The following PCDHGB6 variants were observed in gnomAD, a reference collection of about 807,000 sequenced individuals.
The protein encoded by PCDHGB6 is protocadherin gamma subfamily B, 6.
Under a neutral mutation model 59.1 loss-of-function variants are expected in PCDHGB6, and 51 were observed. That is an observed-to-expected ratio of 0.86 (90% CI 0.69 to 1.09). PCDHGB6 has a LOEUF of 1.09. Among genes scored for constraint, PCDHGB6 ranks in the 50% least tolerant of loss-of-function variants. The pLI, the probability that PCDHGB6 is intolerant of heterozygous loss-of-function variation, is 0.00. For synonymous variants in PCDHGB6, 466 were observed against 495.1 expected (o/e 0.94, Z 0.78); for missense variants, 1,148 against 1,205.1 (o/e 0.95, Z 0.70).
chr5:141,415,849 C>A (rs1453652151), intron 1 of PCDHGB6: 2 of 1,230,672 alleles, frequency 1.6e-6, no homozygotes, highest in Non-Finnish European at 2.1e-6. Flanking sequence ...CTTTGCAGAA[C>A]CTTGTAGTTT....
intron 1 of PCDHGB6, chr5:141,424,187 A>C (rs2096804354): frequency 5.3e-6 from 1 of 188,948 alleles, no homozygotes; most frequent in African/African-American, 2.4e-5. Context: ...ACATGCACAC[A>C]CACTTATACA....
At chr5:141,419,934 T>C (rs1427601115) in intron 1 of PCDHGB6, 3 of 1,613,952 alleles carry the variant, frequency 1.9e-6, no homozygotes, top group Non-Finnish European at 2.5e-6. Flanking sequence ...CAGTTTTACC[T>C]GGTGGTGGCC....
chr5:141,491,316 T>C lies in PCDHGB6; in HGVS notation c.2419-3491T>C. The C allele has an allele frequency of 3.1e-6, 5 of 1,614,176 alleles. No homozygotes were observed. The highest frequency in any genetic ancestry group is 3.4e-6 in the Non-Finnish European group (4 of 1,180,004). ...CTCCTGAGCGTTCAGACCTTACCCT[T>C]TACCTCATTGTGGCTCTAGCGACCG... is the stretch of plus-strand genomic sequence containing the variant. On this transcript the variant is annotated intron_variant, in intron 1 of 3. Coordinates refer to ENST00000520790, the MANE Select transcript of PCDHGB6 (RefSeq NM_018926.3). The surrounding 1 kb of genome is among the most constrained non-coding windows in gnomAD (Gnocchi z 6.9).
intron 1 of PCDHGB6, among the ~76,000 whole-genome samples, chr5:141,458,065 G>A (rs55848374): frequency 0.098 from 14,910 of 152,232 alleles, 965 homozygotes; most frequent in Non-Finnish European, 0.14. Flanking sequence ...GCACTGATGC[G>A]AACAACTATA....
Position 141,478,335 on chromosome 5 carries a change from C to T in PCDHGB6, c.2419-16472C>T, listed in dbSNP as rs202213361. On this transcript the variant is annotated intron_variant, in intron 1 of 3. Coordinates refer to ENST00000520790, the MANE Select transcript of PCDHGB6 (RefSeq NM_018926.3). ...AGCTCACTGTACCGAACACCAGGGC[C>T]CTCCTTGCACGCGGACGCCGTGCGG... 4.7e-5 allele frequency: 76 copies of T among 1,613,822 alleles called. No individual in the cohort carries two copies. The highest frequency in any genetic ancestry group is 6.1e-5 in the Non-Finnish European group (72 of 1,180,028).
At chr5:141,420,483 T>C in intron 1 of PCDHGB6, 2 of 581,364 alleles carry the variant, frequency 3.4e-6, no homozygotes, top group Non-Finnish European at 5.2e-6. Context: ...GCAAACTACA[T>C]GGGTAATCTC....
chr5:141,409,914 G>T lies in PCDHGB6; in HGVS notation c.1712G>T (p.Gly571Val), dbSNP rs772848211. 58 of 1,613,230 alleles carry T rather than the reference G, an allele frequency of 3.6e-5. No homozygotes were observed. In the East Asian group the frequency reaches 1.2e-3, roughly 35 times the overall value. The change falls in exon 1 of 4, where the codon GGC (glycine) becomes GTC (valine). Residue 571 changes from glycine to valine, a missense_variant. Transcript: ENST00000520790. ...RVLYPALGPD[G>V]SAFFDMVPRS... is the part of the protein sequence containing the mutation. ...CTGTACCCAGCTCTGGGTCCTGACGGCTCCGCGTTCTTCGATATGGTACCT... is the reference window on the plus strand; with the variant it reads ...CTGTACCCAGCTCTGGGTCCTGACGTCTCCGCGTTCTTCGATATGGTACCT...
intron 2 of PCDHGB6, among the ~76,000 whole-genome samples, chr5:141,497,501 C>T (rs1268186916): frequency 6.6e-6 from 1 of 151,182 alleles, no homozygotes; most frequent in Non-Finnish European, 1.5e-5. Flanking sequence ...TCTCTCCTCT[C>T]TCTGCTTCCT....
At chr5:141,478,425 A>G (rs1454100826) in intron 1 of PCDHGB6, 1 of 1,613,542 alleles carries the variant, frequency 6.2e-7, no homozygotes, top group African/African-American at 1.3e-5. Context: ...CGCCGCAGCG[A>G]CCCGCTGCTG....
chr5:141,415,149 C>T, intron 1 of PCDHGB6: 1 of 1,613,796 alleles, frequency 6.2e-7, no homozygotes, highest in Middle Eastern at 1.6e-4. Context: ...AGCCCCCTCT[C>T]TCCGCCACTG....
rs765263883 is a variant in PCDHGB6 at position 141,491,018 on chromosome 5, C to T, written c.2419-3789C>T. On this transcript the variant is annotated intron_variant, in intron 1 of 3. Coordinates refer to ENST00000520790, the MANE Select transcript of PCDHGB6 (RefSeq NM_018926.3). This position sits in a 1 kb window ranked among gnomAD's most constrained non-coding sequence, Gnocchi z 6.9. The stretch of plus-strand genomic sequence containing the variant: ...CCTGGCTCCTTGGTCACCAAGGTGA[C>T]AGCCGTGGATGCTGATGCAGGCCAC... 1.2e-6 allele frequency: 2 copies of T among 1,614,146 alleles called. No individual in the cohort carries two copies. The highest frequency in any genetic ancestry group is 1.7e-6 in the Non-Finnish European group (2 of 1,180,042).
At chr5:141,411,783 G>C (rs1191623081) in intron 1 of PCDHGB6, 1 of 152,338 alleles carries the variant, frequency 6.6e-6, no homozygotes, top group Non-Finnish European at 1.5e-5. Context: ...TCTGGTGGCT[G>C]TGGTGGGAGA....
chr5:141,465,893 C>A (rs926928579), intron 1 of PCDHGB6, among the ~76,000 whole-genome samples: 1 of 151,962 alleles, frequency 6.6e-6, no homozygotes, highest in Non-Finnish European at 1.5e-5. Context: ...GAGGCCGAGG[C>A]GGGCAAATCA....
rs532216579 is a variant in PCDHGB6, at chr5:141,419,369, T to G, written c.2418+8749T>G. 631 of 1,613,750 alleles carry G rather than the reference T, an allele frequency of 3.9e-4. 5 individuals carry two copies. In the East Asian group the frequency reaches 0.013, roughly 33 times the overall value. On this transcript the variant is annotated intron_variant, in intron 1 of 3. Coordinates refer to ENST00000520790, the MANE Select transcript of PCDHGB6 (RefSeq NM_018926.3). ...CCTGGAGTCACGAACGCTGTCGTCC[T>G]ACGTGTCCGTGAGCGCGCAGAGCGG...
chr5:141,419,398 G>A (rs2096375486), intron 1 of PCDHGB6: 7 of 1,613,572 alleles, frequency 4.3e-6, no homozygotes, highest in Non-Finnish European at 5.1e-6. Flanking sequence ...AGAGCGGGGT[G>A]GTGTTCGCGC....
intron 2 of PCDHGB6, among the ~76,000 whole-genome samples, chr5:141,495,758 C>T (rs2099763543): frequency 6.6e-6 from 1 of 152,122 alleles, no homozygotes; most frequent in Non-Finnish European, 1.5e-5. Flanking sequence ...ATCTCTGCCT[C>T]CCTGTCCTTG....
rs562410567 is a variant in PCDHGB6 at position 141,413,096 on chromosome 5, G to A, written c.2418+2476G>A. On this transcript the variant is annotated intron_variant, in intron 1 of 3. Transcript: ENST00000520790. ...GCCCAGGCTACAGAGACACCCTGAA[G>A]CCACAGAAAGACAAAGGAACCGGTT... 25 of 1,445,574 alleles carry A rather than the reference G, an allele frequency of 1.7e-5. No homozygotes were observed. The African/African-American group carries it at 3.3e-4, about 19-fold the overall frequency. The allele number at this position is 1,445,574 out of a possible 1,614,324, so 89.5% of individuals were successfully genotyped here.
intron 1 of PCDHGB6, chr5:141,424,465 A>G (rs564844819): frequency 1.3e-5 from 2 of 152,146 alleles, no homozygotes; most frequent in Admixed American, 6.5e-5. Context: ...ATTTCCTTTT[A>G]TTCTTTTACT....
chr5:141,441,359 G>T (rs932747576), intron 1 of PCDHGB6: 1 of 152,522 alleles, frequency 6.6e-6, no homozygotes, highest in Non-Finnish European at 1.5e-5. Flanking sequence ...TGTAACAAAT[G>T]GGGCCGTGGA....
Sources: allele counts gnomAD v4.1 joint callset (sites outside exome capture counted in the v4.1 genomes callset), GRCh38; gene constraint gnomAD v4.1.1; non-coding constraint Gnocchi (gnomAD v3.1); transcripts MANE v1.5; gene names NCBI Gene and HGNC (gene_info 2026-07-23, HGNC 2026-07-21).